KPNA4: variants seen among roughly 807,000 people sequenced by gnomAD.
KPNA4 encodes karyopherin subunit alpha 4.
Under a neutral mutation model 71.3 loss-of-function variants are expected in KPNA4, and 13 were observed. The ratio of observed to expected loss-of-function variants is 0.18; its 90% CI spans 0.12 to 0.29. KPNA4 has a LOEUF of 0.29. KPNA4 is among the 10% of genes least tolerant of loss of function. KPNA4 has a pLI of 1.00. For synonymous variants in KPNA4, 189 were observed against 195.2 expected (o/e 0.97, Z 0.26); for missense variants, 334 against 603.2 (o/e 0.55, Z 4.67).
At chr3:160,507,728 C>G (rs1237180588) in intron 15 of KPNA4, among the ~76,000 whole-genome samples, 1 of 152,218 alleles carries the variant, frequency 6.6e-6, no homozygotes, top group Non-Finnish European at 1.5e-5. Context: ...AAATCCAGCT[C>G]AGGTGCACTT....
At position 160,538,592 on chromosome 3, in the gene KPNA4, T is replaced by C. The variant is rs372095007; in HGVS notation, c.70-1752A>G. Among the ~76,000 whole-genome samples the C allele has an allele frequency of 1.4e-4, 22 of 152,274 alleles. No individual in the cohort carries two copies. The East Asian group carries it at 4.2e-3, about 29-fold the overall frequency. On this transcript the variant is annotated intron_variant, in intron 1 of 16. Coordinates refer to ENST00000334256, the MANE Select transcript of KPNA4 (RefSeq NM_002268.5). ...AAAGTCAGATCATATCATCCTCCTGTTCAAAAATATCCAAAGACTCTCACA... is the reference window on the plus strand; with the variant it reads ...AAAGTCAGATCATATCATCCTCCTGCTCAAAAATATCCAAAGACTCTCACA...
rs188368377 is a variant in KPNA4 at position 160,555,371 on chromosome 3, G to A, written c.69+9843C>T. Reference sequence around the variant, plus strand: ...AATGTTTTCAAGGTTCATCCATACCGTTGCATGTGTCAGTACAATAGTCAC... The same window carrying A: ...AATGTTTTCAAGGTTCATCCATACCATTGCATGTGTCAGTACAATAGTCAC... On this transcript the variant is annotated intron_variant, in intron 1 of 16. Transcript: ENST00000334256. Among the ~76,000 whole-genome samples, 6 of 152,278 alleles carry A rather than the reference G, an allele frequency of 3.9e-5. No homozygotes were observed. The East Asian group carries it at 7.7e-4, about 20-fold the overall frequency.
intron 1 of KPNA4, among the ~76,000 whole-genome samples, chr3:160,556,186 T>A (rs930557482): frequency 6.6e-6 from 1 of 152,222 alleles, no homozygotes; most frequent in African/African-American, 2.4e-5. Context: ...GAACACTCAT[T>A]TACAAGTTTT....
At chr3:160,527,771 C>T (rs1721486527) in intron 8 of KPNA4, among the ~76,000 whole-genome samples, 182 bp downstream of exon 8, 1 of 152,130 alleles carries the variant, frequency 6.6e-6, no homozygotes, top group Admixed American at 6.5e-5. Flanking sequence ...TCTTAAGCAA[C>T]AAAAATTCTA....
intron 10 of KPNA4, among the ~76,000 whole-genome samples, chr3:160,522,295 A>C (rs1721364796): frequency 6.6e-6 from 1 of 152,240 alleles, no homozygotes; most frequent in Non-Finnish European, 1.5e-5. Flanking sequence ...CAACATGCAC[A>C]GTTGTTCAAA....
intron 12 of KPNA4, chr3:160,514,931 T>A (rs753621222): frequency 1.9e-6 from 1 of 518,264 alleles, no homozygotes. Context: ...AGGACCATTT[T>A]AATGAACCTG....
At chr3:160,525,766 A>G (rs376873420) in intron 10 of KPNA4, 34 bp downstream of exon 10, 4 of 1,391,062 alleles carry the variant, frequency 2.9e-6, no homozygotes, top group Non-Finnish European at 3.9e-6. Context: ...ACATACATAC[A>G]TACATAAATA....
rs1027183371 is a variant in KPNA4, at chr3:160,501,963, T to A, written c.*141A>T. 13 of 286,584 alleles carry A rather than the reference T, an allele frequency of 4.5e-5. No homozygotes were observed. Among genetic ancestry groups the A allele is most frequent in the African/African-American group, 1.6e-4 (7 of 44,998 alleles). The allele number at this position is 286,584 out of a possible 1,614,324, so 17.8% of individuals were successfully genotyped here. A position where few individuals can be genotyped will look rare whatever the true frequency, so the allele number is the denominator to read the frequency against. ...AAATCTTCACATTTTCTTTCCCGATTTAATGCAGCAGCAGATCCCATGAGC... is the reference window on the plus strand; with the variant it reads ...AAATCTTCACATTTTCTTTCCCGATATAATGCAGCAGCAGATCCCATGAGC... On this transcript the variant is annotated 3_prime_UTR_variant, in exon 17 of 17. Transcript: ENST00000334256.
chr3:160,528,963 T>G (rs1721515407), intron 7 of KPNA4, among the ~76,000 whole-genome samples: 1 of 152,220 alleles, frequency 6.6e-6, no homozygotes, highest in South Asian at 2.1e-4. Context: ...TGCCTTACTC[T>G]GCTGCCCAGA....
At chr3:160,502,582 G>A (rs1720905288) in intron 16 of KPNA4, among the ~76,000 whole-genome samples, 1 of 151,960 alleles carries the variant, frequency 6.6e-6, no homozygotes, top group Non-Finnish European at 1.5e-5. Flanking sequence ...TACTGCCCAG[G>A]CTGGTCTCAA....
rs759614263 is a variant in KPNA4 at position 160,505,081 on chromosome 3, T to C, written c.1373-29A>G. On this transcript the variant is annotated intron_variant, in intron 15 of 16. Transcript: ENST00000334256. ...CAAGAAATTTTGCAATGTGAAACAA[T>C]AGTAATATTTAAAGAGCAGTGACAA... The C allele has an allele frequency of 3.7e-5, 45 of 1,210,500 alleles. 1 individual carries two copies. Among genetic ancestry groups the C allele is most frequent in the Middle Eastern group, 2.0e-4 (1 of 5,074 alleles). 75.0% of individuals were successfully genotyped at this position (1,210,500 alleles called of 1,614,324 possible).
chr3:160,522,206 T>G (rs1721362540), intron 10 of KPNA4, among the ~76,000 whole-genome samples: 1 of 152,168 alleles, frequency 6.6e-6, no homozygotes, highest in Non-Finnish European at 1.5e-5. Context: ...AAAAAGACAT[T>G]CTCTTTCCCA....
At chr3:160,504,101 CT>C (rs1376058990) in intron 16 of KPNA4, among the ~76,000 whole-genome samples, 2 of 152,078 alleles carry the variant, frequency 1.3e-5, no homozygotes, top group Non-Finnish European at 2.9e-5. Flanking sequence ...AAAAACTTTT[CT>C]TAATTTTATT....
At position 160,500,087 on chromosome 3, in the gene KPNA4, G is replaced by A. The variant is rs1327343605; in HGVS notation, c.*2017C>T. 1 of 151,156 alleles carries A rather than the reference G, an allele frequency of 6.6e-6. No individual in the cohort carries two copies. The highest frequency in any genetic ancestry group is 2.4e-5 in the African/African-American group (1 of 41,094). The allele number at this position is 151,156 out of a possible 1,614,324, so 9.4% of individuals were successfully genotyped here. On this transcript the variant is annotated 3_prime_UTR_variant, in exon 17 of 17. Transcript: ENST00000334256. ...ATGCTGGTTCTAGGTAAAAAGACAG[G>A]AAGCTAATGTAAGCCATTGAATTAT...
chr3:160,558,888 AAGTC>A (rs1722192543), intron 1 of KPNA4, among the ~76,000 whole-genome samples: 1 of 152,210 alleles, frequency 6.6e-6, no homozygotes, highest in Non-Finnish European at 1.5e-5. Flanking sequence ...ATTTGTTTAA[AAGTC>A]AGCTCACTTA....
rs931776528 is a variant in KPNA4, at chr3:160,497,938, T to C, written c.*4166A>G. 11 of 152,210 alleles carry C rather than the reference T, an allele frequency of 7.2e-5. No homozygotes were observed. The highest frequency in any genetic ancestry group is 1.2e-4 in the Non-Finnish European group (8 of 68,038). The allele number at this position is 152,210 out of a possible 1,614,324, so 9.4% of individuals were successfully genotyped here. ...ACTCTTAGGCAAGCTTCTATAACAA[T>C]GTTACCCATTCCTTAGTAAACAAAA... is the stretch of plus-strand genomic sequence containing the variant. On this transcript the variant is annotated 3_prime_UTR_variant, in exon 17 of 17. Transcript: ENST00000334256.
intron 15 of KPNA4, among the ~76,000 whole-genome samples, chr3:160,506,171 T>A (rs1720979114): frequency 6.6e-6 from 1 of 151,652 alleles, no homozygotes; most frequent in Admixed American, 6.6e-5. Context: ...ATACTTTATT[T>A]TATTTTATTT....
At position 160,530,847 on chromosome 3, in the gene KPNA4, C is replaced by T; in HGVS notation, c.469+8G>A. 3.8e-6 allele frequency: 6 copies of T among 1,588,212 alleles called. No individual in the cohort carries two copies. The highest frequency in any genetic ancestry group is 5.1e-6 in the Non-Finnish European group (6 of 1,165,284). On this transcript the variant is annotated splice_region_variant and intron_variant, in intron 7 of 16. Coordinates refer to ENST00000334256, the MANE Select transcript of KPNA4 (RefSeq NM_002268.5). ...AATCACAATTATGTTTATTAATAAC[C>T]AACTTACTGGACTGAACTACTGCTT...
chr3:160,544,139 T>C lies in KPNA4; in HGVS notation c.70-7299A>G, dbSNP rs746930861. ...TCCCAAAGTGCTGGGATTACAGGCA[T>C]GAGCCACTGTGCCCGGCCTCCTTGA... On this transcript the variant is annotated intron_variant, in intron 1 of 16. Coordinates refer to ENST00000334256, the MANE Select transcript of KPNA4 (RefSeq NM_002268.5). Among the ~76,000 whole-genome samples, 6 of 152,312 alleles carry C rather than the reference T, an allele frequency of 3.9e-5. No homozygotes were observed. In the South Asian group the frequency reaches 8.3e-4, roughly 21 times the overall value.
Sources: gnomAD v4.1 joint callset for allele counts (sites outside exome capture counted in the v4.1 genomes callset) on GRCh38, gnomAD v4.1.1 for gene constraint, MANE v1.5 for transcripts, NCBI Gene and HGNC (gene_info 2026-07-23, HGNC 2026-07-21) for gene names.